The following RRP12 variants were observed in gnomAD, a reference collection of about 807,000 sequenced individuals.
The protein encoded by RRP12 is ribosomal RNA processing 12 homolog.
RRP12 carries 78 observed loss-of-function variants against 157.3 expected under a neutral mutation model. That is an observed-to-expected ratio of 0.50 (90% CI 0.41 to 0.60). The LOEUF (loss-of-function observed/expected upper bound fraction) is 0.60. Among genes scored for constraint, RRP12 ranks in the 20% least tolerant of loss-of-function variants. The pLI, the probability that RRP12 is intolerant of heterozygous loss-of-function variation, is 0.00. For missense variants in RRP12, 1,521 were observed against 1,679.9 expected (o/e 0.91, Z 1.65); for synonymous variants, 726 against 670.9 (o/e 1.08, Z -1.27).
chr10:97,395,171 C>A (rs904755896), intron 3 of RRP12, among the ~76,000 whole-genome samples: 6 of 151,268 alleles, frequency 4.0e-5, no homozygotes, highest in African/African-American at 9.7e-5. Flanking sequence ...AACAAAAAAA[C>A]CCAAAAACAA....
intron 15 of RRP12, among the ~76,000 whole-genome samples, chr10:97,375,434 C>T (rs1459251981): frequency 2.0e-5 from 3 of 152,068 alleles, no homozygotes; most frequent in African/African-American, 7.2e-5. Context: ...ACTAATTTAA[C>T]TGGAACCCTA....
chr10:97,374,248 C>T (rs1490067613), intron 15 of RRP12, among the ~76,000 whole-genome samples: 1 of 152,156 alleles, frequency 6.6e-6, no homozygotes, highest in African/African-American at 2.4e-5. Flanking sequence ...GGGCTCACTG[C>T]AGCCTTGACC....
At chr10:97,364,037 A>T (rs1305309820) in intron 29 of RRP12, 134 bp from the exon 30 acceptor site, 1 of 738,920 alleles carries the variant, frequency 1.4e-6, no homozygotes, top group African/African-American at 1.7e-5. Flanking sequence ...TCCTCAGACC[A>T]ATATCATCCT....
intron 10 of RRP12, among the ~76,000 whole-genome samples, chr10:97,383,723 G>A (rs917535291): frequency 3.9e-5 from 6 of 152,208 alleles, no homozygotes; most frequent in Admixed American, 1.3e-4. Flanking sequence ...ACGGGACTAC[G>A]GAACCTGGAG....
chr10:97,370,633 C>T, intron 22 of RRP12, 73 bp from the exon 23 acceptor site: 1 of 1,582,364 alleles, frequency 6.3e-7, no homozygotes, highest in South Asian at 1.1e-5. Context: ...TCCTCCCACT[C>T]CCATCACTGC....
chr10:97,358,095 G>A (rs1843756501), intron 33 of RRP12, among the ~76,000 whole-genome samples: 1 of 152,160 alleles, frequency 6.6e-6, no homozygotes. Context: ...AGCACTTTGG[G>A]AGGCTGAGGC....
intron 8 of RRP12, among the ~76,000 whole-genome samples, chr10:97,387,516 C>T (rs1844668643): frequency 6.6e-6 from 1 of 151,700 alleles, no homozygotes; most frequent in Admixed American, 6.6e-5. Context: ...ATTTTCAATC[C>T]AAGGTTGGTT....
chr10:97,389,283 C>T (rs1023402519), intron 6 of RRP12, among the ~76,000 whole-genome samples: 13 of 152,054 alleles, frequency 8.5e-5, no homozygotes, highest in Admixed American at 2.0e-4. Context: ...TTAGTAGAGA[C>T]GGGGTTTCAC....
At chr10:97,400,654 A>T in intron 1 of RRP12, 120 bp from the exon 2 acceptor site, 1 of 750,568 alleles carries the variant, frequency 1.3e-6, no homozygotes, top group Non-Finnish European at 2.2e-6. Flanking sequence ...AATTCTGAAC[A>T]CAGCCAGTCT....
At chr10:97,390,629 T>A in intron 5 of RRP12, 90 bp from the exon 6 acceptor site, 1 of 1,346,300 alleles carries the variant, frequency 7.4e-7, no homozygotes, top group Non-Finnish European at 1.1e-6. Flanking sequence ...AAATCGCATC[T>A]GTCTGAGGTC....
chr10:97,378,435 A>G (rs189283715), intron 15 of RRP12, among the ~76,000 whole-genome samples: 2 of 152,344 alleles, frequency 1.3e-5, no homozygotes, highest in African/African-American at 4.8e-5. Context: ...AAGTATGTGT[A>G]TATCTAAACA....
chr10:97,364,102 G>C (rs926547475), intron 29 of RRP12, among the ~76,000 whole-genome samples, 199 bp from the exon 30 acceptor site: 2 of 152,114 alleles, frequency 1.3e-5, no homozygotes, highest in African/African-American at 4.8e-5. Context: ...TCCCACCCTA[G>C]GCCCTAGGGA....
At chr10:97,385,385 C>A (rs1164391552) in intron 9 of RRP12, 128 bp from the exon 10 acceptor site, 1 of 721,388 alleles carries the variant, frequency 1.4e-6, no homozygotes, top group Admixed American at 2.7e-5. Context: ...ACTCACAGCC[C>A]CCTTGGCTTT....
At position 97,381,609 on chromosome 10, in the gene RRP12, C is replaced by T. The variant is rs536562692; in HGVS notation, c.1320+106G>A. ...AGAAACCTATCTCCCATTTTGAGAG[C>T]GGCCTCTCTGGGCCCGAGCTGGTAG... On this transcript the variant is annotated intron_variant, in intron 11 of 33. Transcript: ENST00000370992. 65 of 1,222,026 alleles carry T rather than the reference C, an allele frequency of 5.3e-5. 1 individual carries two copies. The highest frequency in any genetic ancestry group is 3.9e-4 in the Middle Eastern group (2 of 5,122). 75.7% of individuals were successfully genotyped at this position (1,222,026 alleles called of 1,614,324 possible). A position where few individuals can be genotyped will look rare whatever the true frequency, so the allele number is the denominator to read the frequency against.
rs769768023 is a variant in RRP12, at chr10:97,400,357, G to A, written c.317C>T (p.Thr106Ile). The A allele has an allele frequency of 1.9e-6, 3 of 1,613,826 alleles. No homozygotes were observed. Among genetic ancestry groups the A allele is most frequent in the Admixed American group, 1.7e-5 (1 of 59,964 alleles). ...CCAGAAGCGCTGTACTTTGCTGAAGGTGACGTTTGTGCAGTCGGAAAGGCC... is the reference window on the plus strand; with the variant it reads ...CCAGAAGCGCTGTACTTTGCTGAAGATGACGTTTGTGCAGTCGGAAAGGCC... Reference protein sequence around the residue: ...LSGLSDCTNVTFSKVQRFWES... With the variant: ...LSGLSDCTNVIFSKVQRFWES... Residue 106 changes from threonine to isoleucine, a missense_variant, in exon 2 of 34, where the codon ACC (threonine) becomes ATC (isoleucine). Coordinates refer to ENST00000370992, the MANE Select transcript of RRP12 (RefSeq NM_015179.4).
Position 97,373,640 on chromosome 10 carries a change from C to A in RRP12, c.1961G>T (p.Arg654Leu). 1 of 1,613,652 alleles carries A rather than the reference C, an allele frequency of 6.2e-7. No homozygotes were observed. ...ARTLGMAISE[R>L]PDLRVTVCQA... The stretch of plus-strand genomic sequence containing the variant: ...GCACACGGTGACCCTCAGGTCTGGA[C>A]GCTCGCTGATGGCCATGCCCAGCGT... The change falls in exon 17 of 34, where the codon CGT (arginine) becomes CTT (leucine). Residue 654 changes from arginine (R) to leucine (L), a missense_variant. Physicochemically the swap from Arg to Leu is moderately radical, Grantham distance 102. Transcript: ENST00000370992.
intron 10 of RRP12, among the ~76,000 whole-genome samples, chr10:97,382,882 C>G (rs1470002739): frequency 6.6e-6 from 1 of 152,072 alleles, no homozygotes; most frequent in Non-Finnish European, 1.5e-5. Flanking sequence ...GTGCCTCAGC[C>G]TCCCAAGTAG....
At chr10:97,361,125 G>A (rs1335293965) in intron 30 of RRP12, among the ~76,000 whole-genome samples, 1 of 152,226 alleles carries the variant, frequency 6.6e-6, no homozygotes, top group Non-Finnish European at 1.5e-5. Context: ...CGGGCTCTCA[G>A]GCGGGTGGGA....
At chr10:97,400,157 C>CT in intron 2 of RRP12, 148 bp downstream of exon 2, 1 of 671,568 alleles carries the variant, frequency 1.5e-6, no homozygotes, top group Non-Finnish European at 2.6e-6. Flanking sequence ...AGAACCTGCC[C>CT]TAGGAGGAGA....
Sources: gnomAD v4.1 joint callset for allele counts (sites outside exome capture counted in the v4.1 genomes callset) on GRCh38, gnomAD v4.1.1 for gene constraint, MANE v1.5 for transcripts, NCBI Gene and HGNC (gene_info 2026-07-23, HGNC 2026-07-21) for gene names.